NSD1: variants seen among roughly 807,000 people sequenced by gnomAD.
NSD1 encodes the protein histone-lysine N-methyltransferase, H3 lysine-36 specific.
Under a neutral mutation model 242.7 loss-of-function variants are expected in NSD1, and 26 were observed. The observed-to-expected ratio is 0.11, with a 90% CI of 0.08 to 0.15. NSD1 has a LOEUF of 0.15. Ranked by LOEUF, NSD1 falls within the 10% of genes least tolerant of loss-of-function variation. The pLI, the probability that NSD1 is intolerant of heterozygous loss-of-function variation, is 1.00. For synonymous variants in NSD1, 1,106 were observed against 1,178.1 expected, an observed-to-expected ratio of 0.94 and a Z score of 1.25; for missense variants, 2,495 against 3,272.8, an observed-to-expected ratio of 0.76 and a Z score of 5.80.
rs1766327804 is a variant in NSD1 at position 177,246,735 on chromosome 5, C to T, written c.4436C>T (p.Ala1479Val). 1 of 1,613,972 alleles carries T rather than the reference C, an allele frequency of 6.2e-7. No homozygotes were observed. The highest frequency in any genetic ancestry group is 1.7e-5 in the Admixed American group (1 of 60,004). ...CGAAAACGACAGAGGCATGCTGCAG[C>T]CAAGATGCAGTGTAAAAAAGTGAAA... The part of the protein sequence containing the change: ...RKRKRQRHAA[A>V]KMQCKKVKND... The change falls in exon 10 of 23, where the codon GCC (alanine) becomes GTC (valine). Residue 1479 changes from alanine (A) to valine (V), a missense_variant. Transcript: ENST00000439151.
At chr5:177,218,551 C>G (rs1197275233) in intron 5 of NSD1, among the ~76,000 whole-genome samples, 1 of 150,742 alleles carries the variant, frequency 6.6e-6, no homozygotes, top group African/African-American at 2.4e-5. Flanking sequence ...TTAAATTCCA[C>G]TTGGTCATGA....
In NSD1 at chr5:177,191,904, T is replaced by A. The variant is rs1171837002; in HGVS notation, c.948T>A (p.Ser316=). The stretch of plus-strand genomic sequence containing the variant: ...TAAAGTGTCAACCTAAGAAAAAGTC[T>A]ACGCCACTGAAGTATGAAGTTGGAG... ...ELPFCQPKKK[S]TPLKYEVGDL... is the part of the protein sequence containing the mutation. The change falls in exon 3 of 23, where the codon TCT becomes TCA. Residue 316 remains serine (S), a synonymous_variant. Coordinates refer to ENST00000439151, the MANE Select transcript of NSD1 (RefSeq NM_022455.5). 5 of 1,614,174 alleles carry A rather than the reference T, an allele frequency of 3.1e-6. No homozygotes were observed. In the South Asian group the frequency reaches 5.5e-5, roughly 18 times the overall value.
intron 10 of NSD1, 127 bp downstream of exon 10, chr5:177,246,923 G>T: frequency 1.4e-6 from 1 of 726,474 alleles, no homozygotes; most frequent in African/African-American, 1.8e-5. Flanking sequence ...ATGGCCATAA[G>T]GAATCTTGGA....
At chr5:177,291,896 G>C (rs1238545166) in intron 21 of NSD1, 58 bp from the exon 22 acceptor site, 2 of 1,507,732 alleles carry the variant, frequency 1.3e-6, no homozygotes, top group Non-Finnish European at 1.8e-6. Flanking sequence ...AGTTAACCCG[G>C]TTAAGATTGG....
intron 2 of NSD1, among the ~76,000 whole-genome samples, chr5:177,139,103 T>G (rs916031089): frequency 6.6e-6 from 1 of 151,100 alleles, no homozygotes; most frequent in Non-Finnish European, 1.5e-5. Context: ...TACAAAAAAT[T>G]AGCTAGGCAT....
intron 8 of NSD1, among the ~76,000 whole-genome samples, chr5:177,242,679 C>T (rs1033371264): frequency 6.6e-6 from 1 of 152,028 alleles, no homozygotes; most frequent in Non-Finnish European, 1.5e-5. Flanking sequence ...AGGGATGTGC[C>T]ACCATGCCTG....
intron 5 of NSD1, among the ~76,000 whole-genome samples, chr5:177,234,534 C>T (rs574589513): frequency 5.3e-4 from 80 of 152,110 alleles, no homozygotes; most frequent in African/African-American, 1.8e-3. Context: ...CTGGCCAACC[C>T]GGTGAAATGC....
intron 2 of NSD1, among the ~76,000 whole-genome samples, chr5:177,188,554 TAA>T (rs754230891): frequency 1.3e-5 from 2 of 152,000 alleles, no homozygotes; most frequent in Non-Finnish European, 2.9e-5. Context: ...CCTTGTTATT[TAA>T]AAGTTTTTTT....
intron 17 of NSD1, among the ~76,000 whole-genome samples, chr5:177,274,543 A>C (rs1260346652): frequency 6.6e-6 from 1 of 152,218 alleles, no homozygotes; most frequent in African/African-American, 2.4e-5. Context: ...CGATGCTCAA[A>C]TATCATAAAA....
Position 177,135,509 on chromosome 5 carries a change from C to G in NSD1, c.406C>G (p.Pro136Ala). 6.2e-7 allele frequency: 1 copy of G among 1,614,188 alleles called. No individual in the cohort carries two copies. Among genetic ancestry groups the G allele is most frequent in the Non-Finnish European group, 8.5e-7 (1 of 1,180,038 alleles). The stretch of plus-strand genomic sequence containing the variant: ...ACAGGAACCCTCTTGTAATAACTCC[C>G]CTGAACTCCAGGTAAAAGTAACAAA... ...MKQEPSCNNS[P>A]ELQVKVTKTI... Residue 136 changes from proline to alanine, a missense_variant, in exon 2 of 23, where the codon CCT becomes GCT. Transcript: ENST00000439151.
In NSD1 at chr5:177,244,199, A is replaced by G. The variant is rs574641900; in HGVS notation, c.4307A>G (p.Tyr1436Cys). Residue 1436 changes from tyrosine to cysteine, a missense_variant, in exon 9 of 23, where the codon TAT (tyrosine) becomes TGT (cysteine). This residue lies in a region of NSD1 where 100 missense variants were observed against 190.7 expected (regional missense o/e 0.52). Transcript: ENST00000439151. ...GTTGTTTTCACTTATTTATAGTGCT[A>G]TGAAGCTGGTCACCTGGAGAATGGC... ...KGDLGLSKKC[Y>C]EAGHLENGIT... 2.9e-5 allele frequency: 47 copies of G among 1,611,002 alleles called. No homozygotes were observed. The highest frequency in any genetic ancestry group is 6.7e-5 in the Admixed American group (4 of 59,996).
At chr5:177,156,304 C>T (rs967179598) in intron 2 of NSD1, among the ~76,000 whole-genome samples, 3 of 150,724 alleles carry the variant, frequency 2.0e-5, no homozygotes, top group Non-Finnish European at 4.4e-5. Flanking sequence ...CCTCAGCCTC[C>T]TGAGTGGCTG....
intron 5 of NSD1, among the ~76,000 whole-genome samples, chr5:177,230,384 T>G (rs1231266041): frequency 1.3e-5 from 2 of 152,184 alleles, no homozygotes; most frequent in Non-Finnish European, 2.9e-5. Flanking sequence ...AGTACAGAAT[T>G]TCTCACTTTA....
intron 5 of NSD1, among the ~76,000 whole-genome samples, chr5:177,222,432 T>C (rs1764311985): frequency 6.6e-6 from 1 of 152,196 alleles, no homozygotes; most frequent in Admixed American, 6.5e-5. Flanking sequence ...CCAGGATGTT[T>C]TGCAAGGCTG....
chr5:177,136,136 AG>A, intron 2 of NSD1, 106 bp downstream of exon 2: 4 of 961,872 alleles, frequency 4.2e-6, no homozygotes, highest in Non-Finnish European at 6.4e-6. Context: ...ATCAGTTCAC[AG>A]CTGAAATCCT....
intron 15 of NSD1, among the ~76,000 whole-genome samples, chr5:177,268,653 C>T (rs1185478382): frequency 1.3e-5 from 2 of 152,128 alleles, no homozygotes; most frequent in East Asian, 3.8e-4. Flanking sequence ...TCTCCTACCC[C>T]CAGAGGTAAC....
intron 2 of NSD1, among the ~76,000 whole-genome samples, chr5:177,172,264 T>G (rs1173931135): frequency 6.6e-6 from 1 of 152,214 alleles, no homozygotes; most frequent in Non-Finnish European, 1.5e-5. Flanking sequence ...ATCCTAGCAC[T>G]TTGGGAGGCC....
rs141788880 is a variant in NSD1, at chr5:177,153,103, C to T, written c.927+17073C>T. The stretch of plus-strand genomic sequence containing the variant: ...AGTGTTAGGGCAGGTCATTAAACCA[C>T]TGAAATTAGTTCTTTGGAGGAGAAG... On this transcript the variant is annotated intron_variant, in intron 2 of 22. Transcript: ENST00000439151. 2.3e-4 allele frequency among the ~76,000 whole-genome samples: 35 copies of T among 152,140 alleles called. 1 individual carries two copies. In the East Asian group the frequency reaches 6.8e-3, roughly 29 times the overall value.
chr5:177,148,964 A>T (rs1562117614), intron 2 of NSD1, among the ~76,000 whole-genome samples: 1 of 151,566 alleles, frequency 6.6e-6, no homozygotes, highest in Non-Finnish European at 1.5e-5. Context: ...GATTACAGGC[A>T]TGTGCACCAT....
Sources: gnomAD v4.1 joint callset for allele counts (sites outside exome capture counted in the v4.1 genomes callset) on GRCh38, gnomAD v4.1.1 for gene constraint, gnomAD v4.1.1 regional missense constraint, MANE v1.5 for transcripts, NCBI Gene and HGNC (gene_info 2026-07-23, HGNC 2026-07-21) for gene names.